The following SH3GL3 variants were observed in gnomAD, a reference collection of about 807,000 sequenced individuals.
SH3GL3 encodes the protein endophilin-A3.
Under a neutral mutation model 47.7 loss-of-function variants are expected in SH3GL3, and 33 were observed. The observed-to-expected ratio is 0.69, with a 90% confidence interval of 0.52 to 0.92. The LOEUF (loss-of-function observed/expected upper bound fraction) is 0.92, where lower values mean the gene tolerates loss of function less well. Among genes scored for constraint, SH3GL3 ranks in the 40% least tolerant of loss-of-function variants. The pLI is 0.00. For missense variants in SH3GL3, 363 were observed against 417.8 expected, an observed-to-expected ratio of 0.87 and a Z score of 1.14; for synonymous variants, 155 against 148.8, an observed-to-expected ratio of 1.04 and a Z score of -0.30.
the SH3GL3 span, among the ~76,000 whole-genome samples, chr15:83,632,135 C>T: frequency 2.6e-5 from 4 of 152,216 alleles, no homozygotes; most frequent in Non-Finnish European, 5.9e-5. Flanking sequence ...AGTTTCTCAT[C>T]TCCAAGACCA....
At chr15:83,609,984 A>C (rs1026522307) in intron 8 of SH3GL3, among the ~76,000 whole-genome samples, 20 of 152,228 alleles carry the variant, frequency 1.3e-4, no homozygotes, top group African/African-American at 4.6e-4. Flanking sequence ...TGAGCTGCTC[A>C]CTTTGAAGCT....
chr15:83,597,008 C>T (rs2060252121), intron 8 of SH3GL3, among the ~76,000 whole-genome samples: 1 of 152,134 alleles, frequency 6.6e-6, no homozygotes, highest in South Asian at 2.1e-4. Flanking sequence ...TTTCTTACTC[C>T]AATTGTATTA....
At chr15:83,551,586 A>G (rs1419783572) in intron 1 of SH3GL3, among the ~76,000 whole-genome samples, 1 of 152,000 alleles carries the variant, frequency 6.6e-6, no homozygotes, top group Non-Finnish European at 1.5e-5. Context: ...CCATTATCTC[A>G]TGGCCCACTT....
chr15:83,529,719 GC>G (rs2043585029), intron 1 of SH3GL3, among the ~76,000 whole-genome samples: 1 of 151,082 alleles, frequency 6.6e-6, no homozygotes, highest in Admixed American at 6.6e-5. Flanking sequence ...AGTGGGTGGG[GC>G]GGGGGTGGGG....
intron 1 of SH3GL3, among the ~76,000 whole-genome samples, chr15:83,548,657 A>G (rs937058633): frequency 2.0e-5 from 3 of 152,084 alleles, no homozygotes; most frequent in African/African-American, 7.2e-5. Context: ...TTTCTCTTGT[A>G]ACATCAGCTA....
At chr15:83,613,865 C>T (rs1201391298) in intron 8 of SH3GL3, among the ~76,000 whole-genome samples, 1 of 152,108 alleles carries the variant, frequency 6.6e-6, no homozygotes, top group Non-Finnish European at 1.5e-5. Context: ...GATGGCTTCT[C>T]TTGGAAAAGG....
intron 2 of SH3GL3, among the ~76,000 whole-genome samples, chr15:83,563,798 C>T (rs1359284286): frequency 6.6e-6 from 1 of 152,008 alleles, no homozygotes; most frequent in African/African-American, 2.4e-5. Context: ...GTCATCATGC[C>T]CGGCTAATTT....
intron 1 of SH3GL3, among the ~76,000 whole-genome samples, chr15:83,467,833 A>C (rs1032856031): frequency 1.3e-5 from 2 of 150,114 alleles, no homozygotes; most frequent in Non-Finnish European, 3.0e-5. Flanking sequence ...TTCTTTTTTT[A>C]TTTTATTTTT....
chr15:83,596,331 AG>A (rs1292683916), intron 8 of SH3GL3, among the ~76,000 whole-genome samples: 1 of 152,222 alleles, frequency 6.6e-6, no homozygotes, highest in Non-Finnish European at 1.5e-5. Flanking sequence ...ACACTTGAAA[AG>A]AATGTGTATT....
Position 83,576,679 on chromosome 15 carries a change from GA to G in SH3GL3, c.567del (p.Lys189AsnfsTer17). On this transcript the variant is annotated frameshift_variant, in exon 6 of 9. Coordinates refer to ENST00000427482, the MANE Select transcript of SH3GL3 (RefSeq NM_003027.5). LOFTEE classifies it high-confidence loss of function. The part of the protein sequence containing the change: ...IPDEEVRQAV[E>X]KFEESKELAE... ...AGACGAAGAAGTCAGACAAGCGGTAGAAAAATTTGAAGAGTCAAAGGAGTTG... is the reference window on the plus strand; with the variant it reads ...AGACGAAGAAGTCAGACAAGCGGTAGAAAATTTGAAGAGTCAAAGGAGTTG... 1 of 1,613,848 alleles carries G rather than the reference GA, an allele frequency of 6.2e-7. No homozygotes were observed. Among genetic ancestry groups the G allele is most frequent in the Non-Finnish European group, 8.5e-7 (1 of 1,179,800 alleles).
At chr15:83,491,118 G>A (rs947463015) in intron 1 of SH3GL3, among the ~76,000 whole-genome samples, 1 of 152,198 alleles carries the variant, frequency 6.6e-6, no homozygotes, top group East Asian at 1.9e-4. Context: ...TGGGTACAGA[G>A]AAAAGTAAGA....
intron 1 of SH3GL3, among the ~76,000 whole-genome samples, chr15:83,475,869 C>T (rs2041072749): frequency 6.6e-6 from 1 of 152,172 alleles, no homozygotes; most frequent in Non-Finnish European, 1.5e-5. Flanking sequence ...CTGGCATCTA[C>T]TTTGTTTGGA....
chr15:83,473,047 C>G (rs2040902770), intron 1 of SH3GL3, among the ~76,000 whole-genome samples: 1 of 152,162 alleles, frequency 6.6e-6, no homozygotes, highest in Non-Finnish European at 1.5e-5. Context: ...TGTTACTGCT[C>G]TGCACTTGGC....
intron 1 of SH3GL3, among the ~76,000 whole-genome samples, chr15:83,471,639 G>A (rs2040833370): frequency 1.3e-5 from 2 of 152,182 alleles, no homozygotes; most frequent in African/African-American, 4.8e-5. Flanking sequence ...CCGGACACAG[G>A]TCTCTGAACC....
intron 8 of SH3GL3, among the ~76,000 whole-genome samples, chr15:83,600,085 G>C (rs1435770258): frequency 6.6e-6 from 1 of 152,040 alleles, no homozygotes; most frequent in Non-Finnish European, 1.5e-5. Context: ...GTAGATTCTG[G>C]ATATTAGTCC....
At chr15:83,565,267 T>C in intron 3 of SH3GL3, 61 bp downstream of exon 3, 1 of 940,424 alleles carries the variant, frequency 1.1e-6, no homozygotes, top group South Asian at 1.3e-5. Flanking sequence ...CCATGTTTAC[T>C]TGGTGTTTAG....
At chr15:83,601,860 C>T (rs773512013) in intron 8 of SH3GL3, among the ~76,000 whole-genome samples, 1 of 148,740 alleles carries the variant, frequency 6.7e-6, no homozygotes, top group African/African-American at 2.5e-5. Context: ...TTAAAATTAC[C>T]ATTTCAGTCT....
rs968648206 is a variant in SH3GL3, at chr15:83,525,208, A to G, written c.46-34045A>G. On this transcript the variant is annotated intron_variant, in intron 1 of 8. Coordinates refer to ENST00000427482, the MANE Select transcript of SH3GL3 (RefSeq NM_003027.5). ...TTGTTGATAGCCATTCGAATTTGAT[A>G]AGATATCTCTATTGTGTTTTTGATT... Among the ~76,000 whole-genome samples, 4 of 152,064 alleles carry G rather than the reference A, an allele frequency of 2.6e-5. No individual in the cohort carries two copies. The South Asian group carries it at 6.2e-4, about 24-fold the overall frequency.
At position 83,451,003 on chromosome 15, in the gene SH3GL3, T is replaced by C. The variant is rs1414656166; in HGVS notation, c.45+3425T>C. 4.0e-5 allele frequency among the ~76,000 whole-genome samples: 5 copies of C among 124,768 alleles called. No homozygotes were observed. The East Asian group carries it at 7.5e-4, about 19-fold the overall frequency. The allele number at this position is 124,768 out of a possible 152,430, so 81.9% of individuals were successfully genotyped here. On this transcript the variant is annotated intron_variant, in intron 1 of 8. Transcript: ENST00000427482. The stretch of plus-strand genomic sequence containing the variant: ...CCAGAGTGTGTTATTCCCCTTCCTG[T>C]GTCCATGTGATCTCATTGTTCAATT...
Sources: gnomAD v4.1 joint callset for allele counts (sites outside exome capture counted in the v4.1 genomes callset) on GRCh38, gnomAD v4.1.1 for gene constraint, MANE v1.5 for transcripts, NCBI Gene and HGNC (gene_info 2026-07-23, HGNC 2026-07-21) for gene names.